The following DIAPH2 variants were observed in gnomAD, a reference collection of about 807,000 sequenced individuals.
DIAPH2 encodes diaphanous related formin 2.
DIAPH2 carries 35 observed loss-of-function variants against 92.7 expected under a neutral mutation model. That is an observed-to-expected ratio of 0.38 (90% CI 0.29 to 0.50). The LOEUF (loss-of-function observed/expected upper bound fraction) is 0.50, where lower values mean the gene tolerates loss of function less well. DIAPH2 is among the 20% of genes least tolerant of loss of function. DIAPH2 has a pLI of 0.94. For missense variants in DIAPH2, 701 were observed against 819.5 expected, an observed-to-expected ratio of 0.86 and a Z score of 1.77; for synonymous variants, 301 against 280.4, an observed-to-expected ratio of 1.07 and a Z score of -0.73.
chrX:96,805,208 T>TAC (rs2064614073), intron 4 of DIAPH2, among the ~76,000 whole-genome samples: 3 of 14,865 alleles, frequency 2.0e-4, no homozygotes, highest in Non-Finnish European at 1.0e-4. Context: ...TATATATTTA[T>TAC]ACACACACAC....
chrX:97,194,312 T>G (rs1032168611), intron 22 of DIAPH2, among the ~76,000 whole-genome samples: 3 of 107,463 alleles, frequency 2.8e-5, no homozygotes, highest in South Asian at 4.3e-4. Context: ...GACGGAGTCT[T>G]GCTCTGTTGC....
At chrX:96,900,311 C>T (rs2065384381) in intron 5 of DIAPH2, among the ~76,000 whole-genome samples, 1 of 111,123 alleles carries the variant, frequency 9.0e-6, no homozygotes, top group Admixed American at 9.7e-5. Context: ...GATTTGTGTA[C>T]ATTGATTTTG....
intron 23 of DIAPH2, among the ~76,000 whole-genome samples, chrX:97,289,072 T>C (rs2068569087): frequency 8.9e-6 from 1 of 111,823 alleles, no homozygotes; most frequent in African/African-American, 3.2e-5. Context: ...TCAAATGAGT[T>C]ATGGACTCTA....
chrX:97,209,506 T>C (rs1270885266), intron 22 of DIAPH2, among the ~76,000 whole-genome samples: 1 of 111,836 alleles, frequency 8.9e-6, no homozygotes, highest in Non-Finnish European at 1.9e-5. Flanking sequence ...ATATTTTCCT[T>C]TTTTAATTAA....
At chrX:96,904,763 T>C (rs2065421628) in intron 5 of DIAPH2, among the ~76,000 whole-genome samples, 1 of 111,152 alleles carries the variant, frequency 9.0e-6, no homozygotes, top group Non-Finnish European at 1.9e-5. Flanking sequence ...TTTAGTTGCA[T>C]TAAAAAACAT....
intron 17 of DIAPH2, among the ~76,000 whole-genome samples, chrX:97,008,607 G>A (rs1420131899): frequency 1.8e-5 from 2 of 111,791 alleles, no homozygotes; most frequent in East Asian, 5.6e-4. Flanking sequence ...TGTGATCTAA[G>A]TTTTTGGTCA....
intron 25 of DIAPH2, among the ~76,000 whole-genome samples, chrX:97,424,353 G>A (rs7886643): frequency 9.1e-6 from 1 of 109,882 alleles, no homozygotes; most frequent in African/African-American, 3.3e-5. Flanking sequence ...TGGTTCTTGG[G>A]AATGTGGGTG....
Position 96,929,019 on chromosome X carries a change from T to C in DIAPH2, c.979-1714T>C, listed in dbSNP as rs111552957. On this transcript the variant is annotated intron_variant, in intron 9 of 26. Transcript: ENST00000324765. ...AAATGTTCTCTTTACTTGTAGGGTA[T>C]TAATACAAGCCATTAAGCTAGAATT... Among the ~76,000 whole-genome samples the C allele has an allele frequency of 8.5e-3, 947 of 111,694 alleles. 9 individuals carry two copies. Among genetic ancestry groups the C allele is most frequent in the African/African-American group, 0.029 (904 of 30,872 alleles).
At chrX:97,517,056 TTAAC>T (rs1276874940) in intron 26 of DIAPH2, among the ~76,000 whole-genome samples, 1 of 112,167 alleles carries the variant, frequency 8.9e-6, no homozygotes, top group Non-Finnish European at 1.9e-5. Flanking sequence ...ATCAAGCTAA[TTAAC>T]CTGTCACCTC....
rs770455481 is a variant in DIAPH2 at position 97,428,295 on chromosome X, C to T, written c.3146-1355C>T. Reference sequence around the variant, plus strand: ...CTATAATCCCAGTACTTTGGGAGGCCGAGGTGGGCGGATCACCTGAAGTCA... The same window carrying T: ...CTATAATCCCAGTACTTTGGGAGGCTGAGGTGGGCGGATCACCTGAAGTCA... On this transcript the variant is annotated intron_variant, in intron 25 of 26. Transcript: ENST00000324765. Among the ~76,000 whole-genome samples, 3 of 111,190 alleles carry T rather than the reference C, an allele frequency of 2.7e-5. No individual in the cohort carries two copies. The East Asian group carries it at 8.6e-4, about 32-fold the overall frequency.
chrX:97,024,643 A>G (rs2066319740), intron 17 of DIAPH2, among the ~76,000 whole-genome samples: 1 of 112,281 alleles, frequency 8.9e-6, no homozygotes, highest in Admixed American at 9.4e-5. Context: ...AGATTCACTT[A>G]TATTTCCATT....
At chrX:97,147,195 T>C (rs1424866372) in intron 22 of DIAPH2, among the ~76,000 whole-genome samples, 3 of 111,249 alleles carry the variant, frequency 2.7e-5, no homozygotes, top group African/African-American at 9.8e-5. Flanking sequence ...ATTGCTCTTG[T>C]CATTTTATTC....
chrX:97,254,171 T>A (rs2068215121), intron 23 of DIAPH2, among the ~76,000 whole-genome samples: 1 of 111,592 alleles, frequency 9.0e-6, no homozygotes, highest in Non-Finnish European at 1.9e-5. Context: ...GGCCAAGGAC[T>A]GAGCCTAAGA....
chrX:97,310,438 C>A (rs769199019), intron 23 of DIAPH2, among the ~76,000 whole-genome samples: 1 of 111,610 alleles, frequency 9.0e-6, no homozygotes, highest in African/African-American at 3.3e-5. Context: ...GTGGTATGTT[C>A]GTATTTTAGA....
chrX:97,449,797 G>A (rs1454974473), intron 26 of DIAPH2: 5 of 217,670 alleles, frequency 2.3e-5, no homozygotes, highest in Non-Finnish European at 3.3e-5. Flanking sequence ...CCATTGTGCC[G>A]TGGGTTAGCA....
At position 97,415,200 on chromosome X, in the gene DIAPH2, C is replaced by A. The variant is rs113452415; in HGVS notation, c.3146-14450C>A. Among the ~76,000 whole-genome samples the A allele has an allele frequency of 2.9e-4, 32 of 111,820 alleles. 1 individual carries two copies. Among genetic ancestry groups the A allele is most frequent in the African/African-American group, 9.1e-4 (28 of 30,771 alleles). On this transcript the variant is annotated intron_variant, in intron 25 of 26. Coordinates refer to ENST00000324765, the MANE Select transcript of DIAPH2 (RefSeq NM_006729.5). ...ATGGCGATCATTAAAAAGTCAGGAACCAACAGATACTGGAGAGGATGTGGA... is the reference window on the plus strand; with the variant it reads ...ATGGCGATCATTAAAAAGTCAGGAAACAACAGATACTGGAGAGGATGTGGA...
At chrX:97,598,644 A>G (rs1164475318) in intron 26 of DIAPH2, among the ~76,000 whole-genome samples, 1 of 111,706 alleles carries the variant, frequency 9.0e-6, no homozygotes, top group Non-Finnish European at 1.9e-5. Context: ...TGTTATCTCT[A>G]TAATAATTAT....
intron 22 of DIAPH2, among the ~76,000 whole-genome samples, chrX:97,241,385 C>T (rs1282940384): frequency 1.8e-5 from 2 of 110,430 alleles, no homozygotes; most frequent in East Asian, 5.7e-4. Context: ...GCCACCTCCG[C>T]CTCTTGGGTT....
intron 25 of DIAPH2, among the ~76,000 whole-genome samples, chrX:97,395,543 C>T (rs1317842770): frequency 8.9e-6 from 1 of 111,763 alleles, no homozygotes; most frequent in East Asian, 2.8e-4. Flanking sequence ...GTACTATTTC[C>T]AGAATACACT....
Sources: allele counts gnomAD v4.1 joint callset (sites outside exome capture counted in the v4.1 genomes callset), GRCh38; gene constraint gnomAD v4.1.1; transcripts MANE v1.5; gene names NCBI Gene and HGNC (gene_info 2026-07-23, HGNC 2026-07-21).